Variants in STARD13 observed in about 807,000 individuals in gnomAD.
STARD13 encodes stAR-related lipid transfer protein 13.
In STARD13, 62 loss-of-function variants were observed where a neutral mutation model predicts 106.4. The observed-to-expected ratio is 0.58, with a 90% CI of 0.48 to 0.72. The LOEUF is 0.72. Among genes scored for constraint, STARD13 ranks in the 30% least tolerant of loss-of-function variants. The pLI is 0.00. For missense variants in STARD13, 1,387 were observed against 1,424.0 expected, an observed-to-expected ratio of 0.97 and a Z score of 0.42; for synonymous variants, 565 against 553.0, an observed-to-expected ratio of 1.02 and a Z score of -0.31.
rs140232824 is a variant in STARD13 at position 33,267,810 on chromosome 13, T to C, written c.169+17660A>G. 1.1e-3 allele frequency among the ~76,000 whole-genome samples: 165 copies of C among 152,276 alleles called. 1 individual carries two copies. Among genetic ancestry groups the C allele is most frequent in the African/African-American group, 3.9e-3 (162 of 41,566 alleles). On this transcript the variant is annotated intron_variant, in intron 1 of 13. Coordinates refer to ENST00000336934, the MANE Select transcript of STARD13 (RefSeq NM_178006.4). ...CTGAGGGGATTCTGGCCATGGAAGA[T>C]ATGTTGTCTCTGCTGCTGGGCCGTC... is the stretch of plus-strand genomic sequence containing the variant.
chr13:33,438,143 C>A, the STARD13 span, among the ~76,000 whole-genome samples: 3 of 152,100 alleles, frequency 2.0e-5, no homozygotes, highest in African/African-American at 4.8e-5. Flanking sequence ...GAAAAATATT[C>A]TTTTGCTATA....
intron 1 of STARD13, among the ~76,000 whole-genome samples, chr13:33,212,235 G>C (rs184633582): frequency 6.6e-6 from 1 of 152,026 alleles, no homozygotes; most frequent in Non-Finnish European, 1.5e-5. Flanking sequence ...CGAGCAGTGT[G>C]GTAGAAAAGA....
the STARD13 span, among the ~76,000 whole-genome samples, chr13:33,621,444 G>A: frequency 6.6e-6 from 1 of 152,002 alleles, no homozygotes; most frequent in East Asian, 1.9e-4. Flanking sequence ...TTGGGAGGCC[G>A]AGGTGGGCAG....
the STARD13 span, among the ~76,000 whole-genome samples, chr13:33,532,071 C>CTT: frequency 1.3e-5 from 2 of 152,112 alleles, no homozygotes; most frequent in Admixed American, 1.3e-4. Context: ...TACGAAGTCT[C>CTT]TATTGCAGCT....
At chr13:33,369,463 T>G in the STARD13 span, among the ~76,000 whole-genome samples, 3 of 152,336 alleles carry the variant, frequency 2.0e-5, no homozygotes, top group South Asian at 6.2e-4. Flanking sequence ...TAATGCCCAC[T>G]TCAAAAAAGC....
chr13:33,477,334 T>G, the STARD13 span, among the ~76,000 whole-genome samples: 2 of 152,174 alleles, frequency 1.3e-5, no homozygotes, highest in African/African-American at 4.8e-5. Context: ...CTATAAGACT[T>G]TTGATTCTAA....
chr13:33,362,868 A>C, the STARD13 span, among the ~76,000 whole-genome samples: 1 of 152,198 alleles, frequency 6.6e-6, no homozygotes, highest in Non-Finnish European at 1.5e-5. Context: ...CTTTCCCGAA[A>C]CTGATTCCCA....
At chr13:33,514,510 G>A in the STARD13 span, among the ~76,000 whole-genome samples, 1 of 152,100 alleles carries the variant, frequency 6.6e-6, no homozygotes, top group African/African-American at 2.4e-5. Flanking sequence ...GCGGTCAAAA[G>A]TGAGTAAAAG....
At chr13:33,563,919 C>G in the STARD13 span, among the ~76,000 whole-genome samples, 7 of 147,564 alleles carry the variant, frequency 4.7e-5, 1 homozygote, top group South Asian at 1.1e-3. Flanking sequence ...CGGCTGGGCA[C>G]TGTGGCTCAT....
chr13:33,652,300 G>A, the STARD13 span, among the ~76,000 whole-genome samples: 2 of 152,132 alleles, frequency 1.3e-5, no homozygotes, highest in East Asian at 1.9e-4. Flanking sequence ...TGAGAGGCAG[G>A]AATTTTGATA....
the STARD13 span, among the ~76,000 whole-genome samples, chr13:33,653,290 C>A: frequency 6.6e-6 from 1 of 152,054 alleles, no homozygotes; most frequent in Non-Finnish European, 1.5e-5. Context: ...TATAAACTTG[C>A]AGTAATCAAA....
At chr13:33,278,548 G>A (rs1235373479) in intron 1 of STARD13, 1 of 152,108 alleles carries the variant, frequency 6.6e-6, no homozygotes, top group Non-Finnish European at 1.5e-5. Flanking sequence ...CATGGTTGAA[G>A]GCACCATTCA....
chr13:33,615,128 C>G, the STARD13 span, among the ~76,000 whole-genome samples: 277 of 152,258 alleles, frequency 1.8e-3, 1 homozygote, highest in Non-Finnish European at 3.5e-3. Context: ...ACAGAACTTA[C>G]TAATGAATTT....
the STARD13 span, among the ~76,000 whole-genome samples, chr13:33,356,183 A>T: frequency 6.6e-6 from 1 of 152,334 alleles, no homozygotes; most frequent in East Asian, 1.9e-4. Context: ...TGGATTGAAG[A>T]CGTTTCCAGT....
the STARD13 span, among the ~76,000 whole-genome samples, chr13:33,634,458 A>G: frequency 6.6e-6 from 1 of 152,226 alleles, no homozygotes; most frequent in Admixed American, 6.5e-5. Context: ...GGGTGTTTTC[A>G]AAGTTTGATT....
At chr13:33,385,858 A>C in the STARD13 span, among the ~76,000 whole-genome samples, 1 of 147,588 alleles carries the variant, frequency 6.8e-6, no homozygotes, top group Non-Finnish European at 1.5e-5. Flanking sequence ...CTCAAAAAAA[A>C]AAAAACAAAA....
At chr13:33,314,117 A>G (rs1893240505) in intron 1 of STARD13, among the ~76,000 whole-genome samples, 1 of 152,124 alleles carries the variant, frequency 6.6e-6, no homozygotes, top group Non-Finnish European at 1.5e-5. Flanking sequence ...GTTAACTGTG[A>G]CATTAGGAGG....
the STARD13 span, among the ~76,000 whole-genome samples, chr13:33,537,928 C>T: frequency 1.3e-5 from 2 of 152,164 alleles, no homozygotes; most frequent in African/African-American, 2.4e-5. Flanking sequence ...AGAACTAGGG[C>T]ATTGCCTAGG....
At chr13:33,314,170 A>G (rs1221058197) in intron 1 of STARD13, among the ~76,000 whole-genome samples, 1 of 152,164 alleles carries the variant, frequency 6.6e-6, no homozygotes, top group African/African-American at 2.4e-5. Context: ...CCCCTCTCCA[A>G]GGAATGAGAT....
Sources: allele counts gnomAD v4.1 joint callset (sites outside exome capture counted in the v4.1 genomes callset), GRCh38; gene constraint gnomAD v4.1.1; transcripts MANE v1.5; gene names NCBI Gene and HGNC (gene_info 2026-07-23, HGNC 2026-07-21).